Variants in PLEKHG4 observed in about 807,000 individuals in gnomAD.
PLEKHG4 encodes puratrophin-1.
PLEKHG4 carries 85 observed loss-of-function variants against 136.9 expected under a neutral mutation model. That is an observed-to-expected ratio of 0.62 (90% CI 0.52 to 0.74). The LOEUF is 0.74. Ranked by LOEUF, PLEKHG4 falls within the 30% of genes least tolerant of loss-of-function variation. The probability of loss-of-function intolerance (pLI) is 0.00; values close to 1 mark genes in which losing one functional copy is unlikely to be tolerated. For missense variants in PLEKHG4, 1,317 were observed against 1,527.8 expected (o/e 0.86, Z 2.30); for synonymous variants, 577 against 646.9 (o/e 0.89, Z 1.64).
intron 11 of PLEKHG4, among the ~76,000 whole-genome samples, chr16:67,283,753 AG>A (rs2036332114): frequency 6.6e-6 from 1 of 152,170 alleles, no homozygotes; most frequent in Admixed American, 6.5e-5. Context: ...CCTGGAGCTC[AG>A]AGGAGAGGTC....
chr16:67,282,898 G>A, intron 11 of PLEKHG4, 40 bp downstream of exon 11: 1 of 1,371,160 alleles, frequency 7.3e-7, no homozygotes, highest in Non-Finnish European at 1.0e-6. Flanking sequence ...GTATTGGGAT[G>A]CAATGCCAGG....
Position 67,284,910 on chromosome 16 carries a change from G to T in PLEKHG4, c.1890G>T (p.Ala630=), listed in dbSNP as rs199921416. Residue 630 remains alanine (A), a synonymous_variant, in exon 13 of 22, where the codon GCG becomes GCT. Coordinates refer to ENST00000379344, the MANE Select transcript of PLEKHG4 (RefSeq NM_001129729.3). The surrounding 1 kb of genome is among the most constrained non-coding windows in gnomAD (Gnocchi z 4.4). ...AIRQECRWAW[A]RCQDTWLALD... ...GCCAGGAGTGCCGCTGGGCCTGGGC[G>T]CGGTGCCAGGACACCTGGCTGGCCC... 3 of 1,612,612 alleles carry T rather than the reference G, an allele frequency of 1.9e-6. No homozygotes were observed. The highest frequency in any genetic ancestry group is 8.5e-7 in the Non-Finnish European group (1 of 1,179,786).
rs1362459660 is a variant in PLEKHG4, at chr16:67,285,161, A to G, written c.2141A>G (p.Gln714Arg). The change falls in exon 13 of 22, where the codon CAG becomes CGG. Residue 714 changes from glutamine (Q) to arginine (R), a missense_variant. Coordinates refer to ENST00000379344, the MANE Select transcript of PLEKHG4 (RefSeq NM_001129729.3). ...GAGGCTGGAGGAGGTGCCCTGCCCC[A>G]GGCATCCCCTACTGTGCCTCCACCA... ...RPEAGGGALP[Q>R]ASPTVPPPGS... The G allele has an allele frequency of 2.5e-6, 4 of 1,613,326 alleles. No individual in the cohort carries two copies. The highest frequency in any genetic ancestry group is 4.5e-5 in the East Asian group (2 of 44,894).
chr16:67,282,385 C>T lies in PLEKHG4; in HGVS notation c.1253+36C>T, dbSNP rs553461856. 8 of 1,611,382 alleles carry T rather than the reference C, an allele frequency of 5.0e-6. No individual in the cohort carries two copies. The African/African-American group carries it at 1.1e-4, about 21-fold the overall frequency. ...GCCCGGCCCCCAGATCTTGCCCCAG[C>T]CCACCATATTCTATGCCAGGACTCA... On this transcript the variant is annotated intron_variant, in intron 9 of 21. Transcript: ENST00000379344.
At position 67,284,999 on chromosome 16, in the gene PLEKHG4, T is replaced by C; in HGVS notation, c.1979T>C (p.Val660Ala). Residue 660 changes from valine to alanine, a missense_variant, in exon 13 of 22, where the codon GTC (valine) becomes GCC (alanine). Val to Ala is a moderately conservative substitution (Grantham distance 64). Transcript: ENST00000379344. The surrounding 1 kb of genome is among the most constrained non-coding windows in gnomAD (Gnocchi z 4.4). ...GTGGGCAGCACAGCTAGCCTGTGTG[T>C]CAGCCAGGTCCCCGCTGCACCTGCC... ...PPVGSTASLC[V>A]SQVPAAPAHP... is the part of the protein sequence containing the mutation. 1 of 1,613,546 alleles carries C rather than the reference T, an allele frequency of 6.2e-7. No individual in the cohort carries two copies. The highest frequency in any genetic ancestry group is 8.5e-7 in the Non-Finnish European group (1 of 1,179,962).
At chr16:67,285,943 C>T (rs1413595362) in intron 14 of PLEKHG4, among the ~76,000 whole-genome samples, 1 of 152,080 alleles carries the variant, frequency 6.6e-6, no homozygotes, top group African/African-American at 2.4e-5. Flanking sequence ...GGAAAGGGGG[C>T]CTGCCAAGGA....
intron 14 of PLEKHG4, 116 bp from the exon 15 acceptor site, chr16:67,286,158 C>T: frequency 2.6e-6 from 2 of 773,950 alleles, no homozygotes; most frequent in Non-Finnish European, 2.3e-6. Context: ...TAGGGGAGGC[C>T]TCCCTAAGAG....
intron 11 of PLEKHG4, among the ~76,000 whole-genome samples, chr16:67,283,119 G>C (rs1162715615): frequency 1.3e-5 from 2 of 151,954 alleles, no homozygotes; most frequent in African/African-American, 4.8e-5. Flanking sequence ...GCTTTTTTTG[G>C]GTGATTTTTG....
chr16:67,280,469 G>A lies in PLEKHG4; in HGVS notation c.425G>A (p.Ser142Asn). 1.9e-6 allele frequency: 3 copies of A among 1,603,636 alleles called. No homozygotes were observed. Among genetic ancestry groups the A allele is most frequent in the Non-Finnish European group, 2.6e-6 (3 of 1,175,168 alleles). Residue 142 changes from serine (S) to asparagine (N), a missense_variant, in exon 2 of 22, where the codon AGC becomes AAC. Ser to Asn is a conservative substitution (Grantham distance 46, BLOSUM62 1). Coordinates refer to ENST00000379344, the MANE Select transcript of PLEKHG4 (RefSeq NM_001129729.3). This position sits in a 1 kb window ranked among gnomAD's most constrained non-coding sequence, Gnocchi z 4.4. ...AGCAGGGCGATGCCATCTGGCTTGA[G>A]CCCTGGGGCATTGGACAGCGACCCT... ...GPSRAMPSGL[S>N]PGALDSDPVG...
At position 67,288,517 on chromosome 16, in the gene PLEKHG4, A is replaced by C; in HGVS notation, c.3483A>C (p.Gln1161His). 5 of 1,614,038 alleles carry C rather than the reference A, an allele frequency of 3.1e-6. No homozygotes were observed. The highest frequency in any genetic ancestry group is 3.4e-6 in the Non-Finnish European group (4 of 1,179,916). Residue 1161 changes from glutamine to histidine, a missense_variant, in exon 21 of 22, where the codon CAA becomes CAC. Coordinates refer to ENST00000379344, the MANE Select transcript of PLEKHG4 (RefSeq NM_001129729.3). Reference sequence around the variant, plus strand: ...CTGAGGACTCAGAGATCTCGTCCCAATGCCCATCAGCCAGTGGCTCCAGTG... The same window carrying C: ...CTGAGGACTCAGAGATCTCGTCCCACTGCCCATCAGCCAGTGGCTCCAGTG... Reference protein sequence around the residue: ...LTAEDSEISSQCPSASGSSGS... With the variant: ...LTAEDSEISSHCPSASGSSGS...
At position 67,286,988 on chromosome 16, in the gene PLEKHG4, C is replaced by G; in HGVS notation, c.2926-12C>G. On this transcript the variant is annotated splice_polypyrimidine_tract_variant and intron_variant, in intron 17 of 21. Transcript: ENST00000379344. ...CATGCCTTACCAAGCCCCTCTCTCC[C>G]GCTGGCCACAGATGGCAGACCTTGG... The G allele has an allele frequency of 6.2e-7, 1 of 1,613,190 alleles. No individual in the cohort carries two copies. The highest frequency in any genetic ancestry group is 1.1e-5 in the South Asian group (1 of 91,084).
Position 67,284,522 on chromosome 16 carries a change from A to G in PLEKHG4, c.1692+65A>G, listed in dbSNP as rs907139404. The G allele has an allele frequency of 4.5e-6, 7 of 1,564,732 alleles. No homozygotes were observed. The highest frequency in any genetic ancestry group is 5.3e-6 in the Non-Finnish European group (6 of 1,138,280). On this transcript the variant is annotated intron_variant, in intron 12 of 21. Transcript: ENST00000379344. This position sits in a 1 kb window ranked among gnomAD's most constrained non-coding sequence, Gnocchi z 4.4. ...CCGGAGGGATGGCAGCCCCAGCTTC[A>G]GCAGAGCCTGAGCTTTTCTTGGTCA...
At chr16:67,287,833 G>C (rs755671576) in intron 18 of PLEKHG4, 65 bp from the exon 19 acceptor site, 5 of 1,009,434 alleles carry the variant, frequency 5.0e-6, no homozygotes, top group Non-Finnish European at 8.0e-6. Context: ...TATCTGGGGG[G>C]TGGTAGAGGC....
At chr16:67,287,655 AGTGTTG>A (rs1344299182) in intron 18 of PLEKHG4, 1 of 576,176 alleles carries the variant, frequency 1.7e-6, no homozygotes, top group Non-Finnish European at 3.1e-6. Flanking sequence ...GGCCTCCCAA[AGTGTTG>A]GGATTACAGG....
chr16:67,287,509 C>T (rs1178053769), intron 18 of PLEKHG4: 2 of 495,350 alleles, frequency 4.0e-6, no homozygotes, highest in Non-Finnish European at 7.4e-6. Context: ...AAGCATTCTT[C>T]CCACCTAAGC....
chr16:67,285,792 C>A (rs2036442137), intron 14 of PLEKHG4, among the ~76,000 whole-genome samples: 1 of 152,102 alleles, frequency 6.6e-6, no homozygotes, highest in Non-Finnish European at 1.5e-5. Context: ...AGGGGCTCCA[C>A]TTTAGAGGGC....
In PLEKHG4 at chr16:67,280,668, G is replaced by T; in HGVS notation, c.500-43G>T. On this transcript the variant is annotated intron_variant, in intron 2 of 21. Coordinates refer to ENST00000379344, the MANE Select transcript of PLEKHG4 (RefSeq NM_001129729.3). The surrounding 1 kb of genome is among the most constrained non-coding windows in gnomAD (Gnocchi z 4.4). ...GCCCGGGTCCAAGTAGGGGTCTCTG[G>T]ATAGGTGGTCCAAGGCAGACCCAAG... 6.2e-7 allele frequency: 1 copy of T among 1,613,568 alleles called. No homozygotes were observed. The highest frequency in any genetic ancestry group is 8.5e-7 in the Non-Finnish European group (1 of 1,179,666).
rs541099130 is a variant in PLEKHG4, at chr16:67,289,069, T to C, written c.*261T>C. ...CTGTCCCCAGCTCCCATCCCAGTTG[T>C]GGGTTAAGAATAGGCTAGAGCAGAC... On this transcript the variant is annotated 3_prime_UTR_variant, in exon 22 of 22. Transcript: ENST00000379344. 5.4e-4 allele frequency: 326 copies of C among 604,252 alleles called. 3 individuals carry two copies. The highest frequency in any genetic ancestry group is 7.5e-4 in the Admixed American group (29 of 38,464). 37.4% of individuals were successfully genotyped at this position (604,252 alleles called of 1,614,324 possible).
Position 67,288,162 on chromosome 16 carries a change from T to G in PLEKHG4, c.3221-5T>G. 6.2e-7 allele frequency: 1 copy of G among 1,613,382 alleles called. No individual in the cohort carries two copies. Among genetic ancestry groups the G allele is most frequent in the Non-Finnish European group, 8.5e-7 (1 of 1,179,356 alleles). Reference sequence around the variant, plus strand: ...TGTCCCAACCTGACCCTCTCTCTTATGCAGAAGTTCGCTCTCGGGCGTCCA... The same window carrying G: ...TGTCCCAACCTGACCCTCTCTCTTAGGCAGAAGTTCGCTCTCGGGCGTCCA... On this transcript the variant is annotated splice_polypyrimidine_tract_variant and splice_region_variant and intron_variant, in intron 19 of 21. Transcript: ENST00000379344.
Sources: gnomAD v4.1 joint callset for allele counts (sites outside exome capture counted in the v4.1 genomes callset) on GRCh38, gnomAD v4.1.1 for gene constraint, Gnocchi (gnomAD v3.1) non-coding constraint, MANE v1.5 for transcripts, NCBI Gene and HGNC (gene_info 2026-07-23, HGNC 2026-07-21) for gene names.